SGCE: variants seen among roughly 807,000 people sequenced by gnomAD.
SGCE encodes the protein epsilon-sarcoglycan.
SGCE carries 26 observed loss-of-function variants against 57.8 expected under a neutral mutation model. That is an observed-to-expected ratio of 0.45 (90% CI 0.33 to 0.62). The LOEUF (loss-of-function observed/expected upper bound fraction) is 0.62. Among genes scored for constraint, SGCE ranks in the 20% least tolerant of loss-of-function variants. SGCE has a pLI of 0.02. For missense variants in SGCE, 468 were observed against 548.6 expected (o/e 0.85, Z 1.47); for synonymous variants, 183 against 189.5 (o/e 0.97, Z 0.28).
At chr7:94,606,573 A>G (rs1271144945) in intron 5 of SGCE, among the ~76,000 whole-genome samples, 1 of 152,236 alleles carries the variant, frequency 6.6e-6, no homozygotes, top group African/African-American at 2.4e-5. Flanking sequence ...CACAACCAGC[A>G]GGCAGAAAAT....
intron 1 of SGCE, among the ~76,000 whole-genome samples, chr7:94,648,804 C>T (rs1487429882): frequency 1.3e-5 from 2 of 152,124 alleles, no homozygotes; most frequent in Non-Finnish European, 2.9e-5. Flanking sequence ...TTTTGCTTTC[C>T]AAGGTAAAAG....
chr7:94,591,139 T>C (rs1025693647), intron 9 of SGCE, among the ~76,000 whole-genome samples: 2 of 152,216 alleles, frequency 1.3e-5, no homozygotes. Flanking sequence ...TTTCAGAATT[T>C]CACACAATGT....
intron 1 of SGCE, among the ~76,000 whole-genome samples, chr7:94,631,959 G>A (rs370862739): frequency 4.0e-5 from 6 of 151,720 alleles, no homozygotes; most frequent in East Asian, 3.9e-4. Flanking sequence ...CTATTTTCTC[G>A]GCAGCTAGAA....
At position 94,623,352 on chromosome 7, in the gene SGCE, A is replaced by T. The variant is rs752074255; in HGVS notation, c.436T>A (p.Leu146Met). ...TCTGCAGACATTATATTAATTATCA[A>T]ATTATGCCTTGCAGTCTCAAAGGTG... ...RRTFETARHN[L>M]IINIMSAEDF... Residue 146 changes from leucine (L) to methionine (M), a missense_variant, in exon 4 of 11, where the codon TTG becomes ATG. By Grantham distance (15) the Leu-to-Met change is conservative. Coordinates refer to ENST00000648936, the MANE Select transcript of SGCE (RefSeq NM_003919.3). 3.9e-5 allele frequency: 62 copies of T among 1,604,086 alleles called. No individual in the cohort carries two copies. In the Admixed American group the frequency reaches 1.0e-3, roughly 26 times the overall value.
chr7:94,586,937 A>C (rs1796988019), intron 10 of SGCE: 6 of 980,414 alleles, frequency 6.1e-6, no homozygotes, highest in Non-Finnish European at 7.2e-6. Context: ...AATAACAACA[A>C]AACAACCAAG....
At chr7:94,606,640 C>T (rs1322231173) in intron 5 of SGCE, among the ~76,000 whole-genome samples, 1 of 152,154 alleles carries the variant, frequency 6.6e-6, no homozygotes, top group Non-Finnish European at 1.5e-5. Context: ...TTAATAGACA[C>T]TTAGAGACTA....
chr7:94,620,272 T>A (rs753507510), intron 4 of SGCE: 1 of 152,044 alleles, frequency 6.6e-6, no homozygotes, highest in Admixed American at 6.5e-5. Context: ...TTCAACAGAG[T>A]TTTCTAGAGT....
At chr7:94,593,983 T>C (rs1182971163) in intron 9 of SGCE, among the ~76,000 whole-genome samples, 10 of 152,100 alleles carry the variant, frequency 6.6e-5, no homozygotes, top group Non-Finnish European at 1.0e-4. Context: ...ATTCCCATAC[T>C]CAGAGCCCCA....
chr7:94,620,629 T>G (rs1273444940), intron 4 of SGCE: 1 of 152,216 alleles, frequency 6.6e-6, no homozygotes, highest in Non-Finnish European at 1.5e-5. Context: ...AAGTCTAAAA[T>G]CTATTCATTT....
At chr7:94,599,514 C>A in intron 8 of SGCE, 183 bp downstream of exon 8, 1 of 595,728 alleles carries the variant, frequency 1.7e-6, no homozygotes, top group South Asian at 2.2e-5. Context: ...TTTTCAAACC[C>A]TTTTTAGTTT....
At chr7:94,597,500 A>G (rs1416471959) in intron 9 of SGCE, 2 of 152,148 alleles carry the variant, frequency 1.3e-5, no homozygotes, top group Non-Finnish European at 2.9e-5. Flanking sequence ...TCCCAGGTAA[A>G]TGTGTTCACT....
At chr7:94,601,100 T>G (rs1332416382) in intron 6 of SGCE, among the ~76,000 whole-genome samples, 1 of 152,124 alleles carries the variant, frequency 6.6e-6, no homozygotes, top group Non-Finnish European at 1.5e-5. Context: ...TACATATACA[T>G]TTACATGTGT....
chr7:94,601,325 AT>A (rs1222821615), intron 6 of SGCE, among the ~76,000 whole-genome samples: 1 of 151,740 alleles, frequency 6.6e-6, no homozygotes, highest in Non-Finnish European at 1.5e-5. Flanking sequence ...AAGAGGGACA[AT>A]TTCCAAACGT....
At chr7:94,626,347 A>T (rs1803714892) in intron 3 of SGCE, 1 of 152,014 alleles carries the variant, frequency 6.6e-6, no homozygotes, top group African/African-American at 2.4e-5. Flanking sequence ...ATCCTTCCCT[A>T]TCCATAGGTC....
At chr7:94,599,079 G>A (rs1798835785) in intron 8 of SGCE, 116 bp from the exon 9 acceptor site, 1 of 702,988 alleles carries the variant, frequency 1.4e-6, no homozygotes. Flanking sequence ...AGACATTATG[G>A]CACTTTGGGC....
chr7:94,655,781 AAAAG>A (rs1482883618), intron 1 of SGCE, among the ~76,000 whole-genome samples: 1 of 151,130 alleles, frequency 6.6e-6, no homozygotes, highest in East Asian at 2.0e-4. Context: ...GGAGAGGAAA[AAAAG>A]GCCAGGGGTC....
Position 94,656,113 on chromosome 7 carries a change from G to A in SGCE, c.-15C>T, listed in dbSNP as rs1351956894. On this transcript the variant is annotated 5_prime_UTR_variant, in exon 1 of 11. Transcript: ENST00000648936. ...GGCAATTGCATTCTTGGCCTGGCTAGGCCGTCCGTCCTCGATTCTCCCCTC... is the reference window on the plus strand; with the variant it reads ...GGCAATTGCATTCTTGGCCTGGCTAAGCCGTCCGTCCTCGATTCTCCCCTC... 6.6e-7 allele frequency: 1 copy of A among 1,519,482 alleles called. No homozygotes were observed. Among genetic ancestry groups the A allele is most frequent in the South Asian group, 1.1e-5 (1 of 88,978 alleles). 94.1% of individuals were successfully genotyped at this position (1,519,482 alleles called of 1,614,324 possible). A position where few individuals can be genotyped will look rare whatever the true frequency, so the allele number is the denominator to read the frequency against.
intron 10 of SGCE, chr7:94,587,120 TAAAC>T (rs1797010693): frequency 6.1e-6 from 6 of 983,740 alleles, no homozygotes; most frequent in Non-Finnish European, 7.2e-6. Flanking sequence ...TAAATTAGGT[TAAAC>T]AACCTTAAAA....
At position 94,628,002 on chromosome 7, in the gene SGCE, A is replaced by G. The variant is rs184987498; in HGVS notation, c.390+200T>C. On this transcript the variant is annotated intron_variant, in intron 3 of 10. Coordinates refer to ENST00000648936, the MANE Select transcript of SGCE (RefSeq NM_003919.3). ...AATTTAGACTGTCATTTTTAATATA[A>G]AAGCTGAAACAAAAACTTTATAAAC... 8.9e-4 allele frequency: 471 copies of G among 527,130 alleles called. 2 individuals carry two copies. The highest frequency in any genetic ancestry group is 7.9e-3 in the African/African-American group (415 of 52,778). 32.7% of individuals were successfully genotyped at this position (527,130 alleles called of 1,614,324 possible). A position where few individuals can be genotyped will look rare whatever the true frequency, so the allele number is the denominator to read the frequency against.
Sources: gnomAD v4.1 joint callset for allele counts (sites outside exome capture counted in the v4.1 genomes callset) on GRCh38, gnomAD v4.1.1 for gene constraint, MANE v1.5 for transcripts, NCBI Gene and HGNC (gene_info 2026-07-23, HGNC 2026-07-21) for gene names.